The following ATP1B3 variants were observed in gnomAD, a reference collection of about 807,000 sequenced individuals.
The protein encoded by ATP1B3 is sodium/potassium-transporting ATPase subunit beta-3.
A neutral mutation model predicts 30.2 loss-of-function variants in ATP1B3; 10 were observed. That is an observed-to-expected ratio of 0.33 (90% CI 0.20 to 0.56). The LOEUF is 0.56. ATP1B3 is among the 20% of genes least tolerant of loss of function. ATP1B3 has a pLI of 0.90. For missense variants in ATP1B3, 238 were observed against 336.7 expected (o/e 0.71, Z 2.29); for synonymous variants, 113 against 117.0 (o/e 0.97, Z 0.22).
rs1933654494 is a variant in ATP1B3, at chr3:141,878,660, TAGAG to T, written c.109+1753_109+1756del. 2.6e-5 allele frequency among the ~76,000 whole-genome samples: 4 copies of T among 152,200 alleles called. No homozygotes were observed. The South Asian group carries it at 6.2e-4, about 24-fold the overall frequency. On this transcript the variant is annotated intron_variant, in intron 1 of 6. Transcript: ENST00000286371. ...TAAATAGATAACATGCACAAATAAATAGAGAGCAATGTGTAAGGACTGTAAAACT... is the reference window on the plus strand; with the variant it reads ...TAAATAGATAACATGCACAAATAAATAGCAATGTGTAAGGACTGTAAAACT...
At chr3:141,921,549 C>T (rs1934564740) in intron 5 of ATP1B3, 1 of 153,652 alleles carries the variant, frequency 6.5e-6, no homozygotes, top group Non-Finnish European at 1.4e-5. Context: ...AGGTTGGCAC[C>T]TTGTGGTGGC....
At chr3:141,909,880 A>G (rs926324406) in intron 3 of ATP1B3, among the ~76,000 whole-genome samples, 2 of 152,238 alleles carry the variant, frequency 1.3e-5, no homozygotes, top group Non-Finnish European at 2.9e-5. Flanking sequence ...CAGTTAGGCT[A>G]TTACAATAAT....
At chr3:141,913,096 A>G (rs374953241) in intron 3 of ATP1B3, among the ~76,000 whole-genome samples, 2 of 152,224 alleles carry the variant, frequency 1.3e-5, no homozygotes, top group Admixed American at 6.5e-5. Flanking sequence ...TCTTTAACAT[A>G]GTTTACAAGA....
At chr3:141,890,824 C>T (rs1438091990) in intron 1 of ATP1B3, among the ~76,000 whole-genome samples, 1 of 152,258 alleles carries the variant, frequency 6.6e-6, no homozygotes, top group Non-Finnish European at 1.5e-5. Context: ...CTGCCTGCCT[C>T]AGCCTCCCAC....
At chr3:141,883,977 G>A (rs931951668) in intron 1 of ATP1B3, among the ~76,000 whole-genome samples, 15 of 152,086 alleles carry the variant, frequency 9.9e-5, no homozygotes, top group Non-Finnish European at 2.9e-5. Context: ...CAGAACCAGG[G>A]CAAAATTTTA....
At chr3:141,877,314 G>T (rs923349349) in intron 1 of ATP1B3, among the ~76,000 whole-genome samples, 1 of 151,974 alleles carries the variant, frequency 6.6e-6, no homozygotes, top group African/African-American at 2.4e-5. Flanking sequence ...AGAGGCCCTG[G>T]CGGAGGCGCC....
chr3:141,922,444 G>C (rs1347731267), intron 6 of ATP1B3, among the ~76,000 whole-genome samples: 2 of 151,406 alleles, frequency 1.3e-5, no homozygotes, highest in Non-Finnish European at 2.9e-5. Context: ...CCTGAGGTCA[G>C]GAGTTTGAGA....
intron 3 of ATP1B3, among the ~76,000 whole-genome samples, chr3:141,909,566 A>G (rs1005201542): frequency 9.9e-5 from 15 of 152,238 alleles, no homozygotes; most frequent in African/African-American, 4.8e-5. Context: ...GGAAATGTCC[A>G]GCACAGGAAG....
At chr3:141,887,119 G>A (rs1897139) in intron 1 of ATP1B3, among the ~76,000 whole-genome samples, 17,573 of 152,260 alleles carry the variant, frequency 0.12, 1,419 homozygotes, top group East Asian at 0.39. Flanking sequence ...AAAGGACCAC[G>A]TTATTGTTGG....
intron 1 of ATP1B3, among the ~76,000 whole-genome samples, chr3:141,883,956 G>C (rs1933783796): frequency 6.6e-6 from 1 of 152,120 alleles, no homozygotes; most frequent in Non-Finnish European, 1.5e-5. Flanking sequence ...TCACGCATCT[G>C]ATAATAGTGA....
intron 1 of ATP1B3, among the ~76,000 whole-genome samples, chr3:141,898,001 T>C (rs1934100020): frequency 6.6e-6 from 1 of 152,222 alleles, no homozygotes; most frequent in Admixed American, 6.5e-5. Context: ...TGAGCCACTG[T>C]GCCTGGCCAA....
intron 1 of ATP1B3, among the ~76,000 whole-genome samples, chr3:141,879,322 T>A (rs1187072482): frequency 6.6e-6 from 1 of 152,222 alleles, no homozygotes; most frequent in Non-Finnish European, 1.5e-5. Context: ...ATGGGATTTC[T>A]AGGCCATTCA....
At chr3:141,910,306 C>A (rs1934336680) in intron 3 of ATP1B3, among the ~76,000 whole-genome samples, 1 of 152,132 alleles carries the variant, frequency 6.6e-6, no homozygotes, top group Admixed American at 6.5e-5. Flanking sequence ...GAATTAACTT[C>A]ATGCTTCTGA....
At chr3:141,878,006 G>A (rs1560413) in intron 1 of ATP1B3, among the ~76,000 whole-genome samples, 84,760 of 151,976 alleles carry the variant, frequency 0.56, 24,189 homozygotes, top group African/African-American at 0.68. Flanking sequence ...GAAATAAGCT[G>A]TGACTCAGAA....
intron 1 of ATP1B3, among the ~76,000 whole-genome samples, chr3:141,896,660 GTTC>G (rs550723205): frequency 4.0e-4 from 61 of 152,034 alleles, no homozygotes; most frequent in African/African-American, 1.5e-3. Context: ...AACTGTCTGG[GTTC>G]TTCTTCAGTT....
At chr3:141,894,715 A>G (rs1489705488) in intron 1 of ATP1B3, among the ~76,000 whole-genome samples, 1 of 152,164 alleles carries the variant, frequency 6.6e-6, no homozygotes, top group African/African-American at 2.4e-5. Context: ...AGCAACACGC[A>G]TGGGGCTGTC....
Position 141,925,747 on chromosome 3 carries a change from T to G in ATP1B3, c.*46T>G, listed in dbSNP as rs377601541. 5 of 1,576,630 alleles carry G rather than the reference T, an allele frequency of 3.2e-6. No individual in the cohort carries two copies. Among genetic ancestry groups the G allele is most frequent in the African/African-American group, 2.7e-5 (2 of 74,206 alleles). On this transcript the variant is annotated 3_prime_UTR_variant, in exon 7 of 7. Transcript: ENST00000286371. ...AGAGTAAATGTTGTGTTGTCTGTCT[T>G]CATTTTGTAACAGCTGGACCTTCCA...
Position 141,913,580 on chromosome 3 carries a change from G to A in ATP1B3, c.347-72G>A, listed in dbSNP as rs933295930. On this transcript the variant is annotated intron_variant, in intron 3 of 6. Transcript: ENST00000286371. ...TTGTCTTTGAAGAACATTTTCCAAA[G>A]GTTAATATATTCCTGGTTGTTTTTA... is the stretch of plus-strand genomic sequence containing the variant. 4.6e-6 allele frequency: 6 copies of A among 1,294,792 alleles called. No individual in the cohort carries two copies. In the African/African-American group the frequency reaches 7.6e-5, roughly 16 times the overall value. The allele number at this position is 1,294,792 out of a possible 1,614,324, so 80.2% of individuals were successfully genotyped here. A position where few individuals can be genotyped will look rare whatever the true frequency, so the allele number is the denominator to read the frequency against.
chr3:141,892,699 T>G (rs1398451748), intron 1 of ATP1B3, among the ~76,000 whole-genome samples: 1 of 147,736 alleles, frequency 6.8e-6, no homozygotes, highest in East Asian at 2.0e-4. Context: ...ATAGACAAAT[T>G]TAAAACTTTA....
Sources: allele counts gnomAD v4.1 joint callset (sites outside exome capture counted in the v4.1 genomes callset), GRCh38; gene constraint gnomAD v4.1.1; transcripts MANE v1.5; gene names NCBI Gene and HGNC (gene_info 2026-07-23, HGNC 2026-07-21).